The following PLXDC2 variants were observed in gnomAD, a reference collection of about 807,000 sequenced individuals.
The protein encoded by PLXDC2 is plexin domain containing 2, also known as plexin domain-containing protein 2.
PLXDC2 carries 40 observed loss-of-function variants against 68.9 expected under a neutral mutation model. The ratio of observed to expected loss-of-function variants is 0.58; its 90% confidence interval spans 0.45 to 0.76. The LOEUF is 0.76. PLXDC2 is among the 30% of genes least tolerant of loss of function. The pLI, the probability that PLXDC2 is intolerant of heterozygous loss-of-function variation, is 0.00. For missense variants in PLXDC2, 644 were observed against 661.9 expected (o/e 0.97, Z 0.30); for synonymous variants, 243 against 234.2 (o/e 1.04, Z -0.34).
chr10:20,206,832 A>T (rs1834999148), intron 9 of PLXDC2, among the ~76,000 whole-genome samples: 1 of 149,800 alleles, frequency 6.7e-6, no homozygotes, highest in Admixed American at 6.8e-5. Flanking sequence ...GATATGGTTA[A>T]TGTCATTGTG....
intron 3 of PLXDC2, 122 bp from the exon 4 acceptor site, chr10:20,068,048 A>G (rs1836244809): frequency 1.3e-6 from 1 of 777,202 alleles, no homozygotes; most frequent in Non-Finnish European, 2.0e-6. Context: ...GTTTTAAAAG[A>G]GAACTACAAT....
chr10:19,898,552 A>G (rs1342047878), intron 1 of PLXDC2, among the ~76,000 whole-genome samples: 1 of 152,200 alleles, frequency 6.6e-6, no homozygotes, highest in Non-Finnish European at 1.5e-5. Flanking sequence ...CCTAGCTGGT[A>G]GAAAATTAAC....
intron 12 of PLXDC2, among the ~76,000 whole-genome samples, chr10:20,230,804 A>T (rs1421783894): frequency 6.6e-6 from 1 of 151,114 alleles, no homozygotes; most frequent in Non-Finnish European, 1.5e-5. Flanking sequence ...TATTTGAACA[A>T]TACTGACAAC....
At chr10:20,088,886 AGTATTAATACT>A (rs1450349631) in intron 4 of PLXDC2, among the ~76,000 whole-genome samples, 2 of 152,196 alleles carry the variant, frequency 1.3e-5, no homozygotes, top group African/African-American at 4.8e-5. Flanking sequence ...ATGATTTAGG[AGTATTAATACT>A]GCATATCATT....
chr10:19,908,755 A>G (rs1299178076), intron 1 of PLXDC2, among the ~76,000 whole-genome samples: 1 of 151,938 alleles, frequency 6.6e-6, no homozygotes, highest in African/African-American at 2.4e-5. Flanking sequence ...TTGAGACTAC[A>G]TCACACAGCA....
chr10:20,253,823 A>G (rs551340152), intron 13 of PLXDC2, among the ~76,000 whole-genome samples: 2 of 152,300 alleles, frequency 1.3e-5, no homozygotes, highest in Admixed American at 1.3e-4. Flanking sequence ...TCTTCAACCA[A>G]TATTAACGTT....
At chr10:20,003,102 G>T (rs191179134) in intron 2 of PLXDC2, among the ~76,000 whole-genome samples, 169 of 152,236 alleles carry the variant, frequency 1.1e-3, no homozygotes, top group Non-Finnish European at 2.0e-3. Flanking sequence ...GTTGCTCGAA[G>T]GCCTCAAAGG....
chr10:19,831,870 T>C (rs1462055575), intron 1 of PLXDC2, among the ~76,000 whole-genome samples: 1 of 152,196 alleles, frequency 6.6e-6, no homozygotes, highest in Non-Finnish European at 1.5e-5. Context: ...CTATTGTAAA[T>C]AGTACTGCAA....
chr10:19,831,324 C>T (rs1199576689), intron 1 of PLXDC2, among the ~76,000 whole-genome samples: 1 of 151,960 alleles, frequency 6.6e-6, no homozygotes, highest in Non-Finnish European at 1.5e-5. Flanking sequence ...TTACTGTCTT[C>T]CTTTATTTGG....
chr10:20,148,318 A>C (rs973913934), intron 6 of PLXDC2, among the ~76,000 whole-genome samples: 1 of 151,610 alleles, frequency 6.6e-6, no homozygotes, highest in Non-Finnish European at 1.5e-5. Flanking sequence ...TTCTAATTTC[A>C]AAAGCATTTA....
chr10:20,089,207 T>A (rs1833243609), intron 4 of PLXDC2, among the ~76,000 whole-genome samples: 1 of 137,148 alleles, frequency 7.3e-6, no homozygotes. Context: ...TGTGTGTGTG[T>A]GTGTGTGTTT....
chr10:20,085,209 T>TA (rs10633088), intron 4 of PLXDC2, among the ~76,000 whole-genome samples: 96,379 of 148,630 alleles, frequency 0.65, 31,860 homozygotes, highest in East Asian at 0.99. Context: ...GGTTTTTTGT[T>TA]AAAAAAAAAA....
At chr10:19,971,535 G>C (rs11011708) in intron 1 of PLXDC2, among the ~76,000 whole-genome samples, 6 of 152,098 alleles carry the variant, frequency 3.9e-5, no homozygotes, top group Non-Finnish European at 5.9e-5. Context: ...GAGTAAGAAG[G>C]CTGGATAGGG....
chr10:19,833,564 G>T (rs2131311265), intron 1 of PLXDC2, among the ~76,000 whole-genome samples: 1 of 152,354 alleles, frequency 6.6e-6, no homozygotes, highest in African/African-American at 2.4e-5. Flanking sequence ...GAGGGTCTCA[G>T]AAACAGTTTT....
intron 1 of PLXDC2, among the ~76,000 whole-genome samples, chr10:19,822,484 A>G (rs750051461): frequency 5.3e-5 from 8 of 152,138 alleles, no homozygotes; most frequent in South Asian, 2.1e-4. Context: ...CTTCAGGTAT[A>G]TATACAGAAG....
chr10:20,035,642 G>A lies in PLXDC2; in HGVS notation c.325-11227G>A, dbSNP rs532557039. Among the ~76,000 whole-genome samples, 12 of 152,202 alleles carry A rather than the reference G, an allele frequency of 7.9e-5. No individual in the cohort carries two copies. In the South Asian group the frequency reaches 2.5e-3, roughly 32 times the overall value. The stretch of plus-strand genomic sequence containing the variant: ...ACCCGGGAGGTGGAAGTTGCAGTGA[G>A]CCAAGATTGCACCACAGCACTCCAG... On this transcript the variant is annotated intron_variant, in intron 2 of 13. Transcript: ENST00000377252.
intron 1 of PLXDC2, among the ~76,000 whole-genome samples, chr10:19,889,249 A>T (rs1469646171): frequency 6.6e-6 from 1 of 151,940 alleles, no homozygotes; most frequent in Non-Finnish European, 1.5e-5. Flanking sequence ...TTCATATGAC[A>T]AGCTCTGTCT....
At chr10:20,020,158 C>T (rs1358286434) in intron 2 of PLXDC2, among the ~76,000 whole-genome samples, 1 of 148,672 alleles carries the variant, frequency 6.7e-6, no homozygotes, top group Admixed American at 6.7e-5. Context: ...GCTACAAACA[C>T]ATGCCACCAC....
At chr10:20,127,196 C>G (rs1833804544) in intron 4 of PLXDC2, among the ~76,000 whole-genome samples, 1 of 151,912 alleles carries the variant, frequency 6.6e-6, no homozygotes, top group African/African-American at 2.4e-5. Context: ...AGCTTTTTTC[C>G]TTCCTAAATG....
Sources: allele counts gnomAD v4.1 joint callset (sites outside exome capture counted in the v4.1 genomes callset), GRCh38; gene constraint gnomAD v4.1.1; transcripts MANE v1.5; gene names NCBI Gene and HGNC (gene_info 2026-07-23, HGNC 2026-07-21).